Variants in VDR observed in about 807,000 individuals in gnomAD.
VDR encodes vitamin D receptor, also known as vitamin D3 receptor.
VDR carries 19 observed loss-of-function variants against 39.7 expected under a neutral mutation model. The ratio of observed to expected loss-of-function variants is 0.48; its 90% CI spans 0.33 to 0.70. The LOEUF (loss-of-function observed/expected upper bound fraction) is 0.70, where lower values mean the gene tolerates loss of function less well. Among genes scored for constraint, VDR ranks in the 30% least tolerant of loss-of-function variants. The probability of loss-of-function intolerance (pLI) is 0.02; values close to 1 mark genes in which losing one functional copy is unlikely to be tolerated. For missense variants in VDR, 442 were observed against 570.5 expected, an observed-to-expected ratio of 0.77 and a Z score of 2.29; for synonymous variants, 242 against 215.8, an observed-to-expected ratio of 1.12 and a Z score of -1.07.
rs1235896662 is a variant in VDR, at chr12:47,842,621, CTA to C, written c.*2123_*2124del. ...TACAGGCTTGCGCCACCATGCCCGGCTATTTTTTTTTTTTTTTTTTTTGTATT... is the reference window on the plus strand; with the variant it reads ...TACAGGCTTGCGCCACCATGCCCGGCTTTTTTTTTTTTTTTTTTTTGTATT... On this transcript the variant is annotated 3_prime_UTR_variant, in exon 10 of 10. Transcript: ENST00000549336. 4.2e-5 allele frequency: 3 copies of C among 71,278 alleles called. No homozygotes were observed. The highest frequency in any genetic ancestry group is 2.0e-4 in the African/African-American group (3 of 15,234). The allele number at this position is 71,278 out of a possible 1,614,324, so 4.4% of individuals were successfully genotyped here. A position where few individuals can be genotyped will look rare whatever the true frequency, so the allele number is the denominator to read the frequency against.
chr12:47,876,776 G>A (rs1189901776), intron 3 of VDR, among the ~76,000 whole-genome samples: 1 of 152,224 alleles, frequency 6.6e-6, no homozygotes, highest in African/African-American at 2.4e-5. Flanking sequence ...CCTGTCCTGA[G>A]GATTCCCAGC....
chr12:47,876,116 C>T lies in VDR; in HGVS notation c.146+2852G>A, dbSNP rs12721398. Reference sequence around the variant, plus strand: ...CATGTGAATTTTTCACTGCTCTGCACATGTTCACAAATGACCACAAAGGGG... The same window carrying T: ...CATGTGAATTTTTCACTGCTCTGCATATGTTCACAAATGACCACAAAGGGG... On this transcript the variant is annotated intron_variant, in intron 3 of 9. Transcript: ENST00000549336. Among the ~76,000 whole-genome samples the T allele has an allele frequency of 5.0e-3, 769 of 152,304 alleles. 4 individuals carry two copies. The highest frequency in any genetic ancestry group is 7.9e-3 in the Non-Finnish European group (538 of 68,032).
At position 47,844,949 on chromosome 12, in the gene VDR, T is replaced by C; in HGVS notation, c.1081A>G (p.Asn361Asp). 1 of 1,613,964 alleles carries C rather than the reference T, an allele frequency of 6.2e-7. No individual in the cohort carries two copies. Among genetic ancestry groups the C allele is most frequent in the Non-Finnish European group, 8.5e-7 (1 of 1,179,964 alleles). Reference sequence around the variant, plus strand: ...CAGCGGATGTACGTCTGCAGTGTGTTGGACAGGCGGTCCTGGATGGCCTCA... The same window carrying C: ...CAGCGGATGTACGTCTGCAGTGTGTCGGACAGGCGGTCCTGGATGGCCTCA... ...LIEAIQDRLS[N>D]TLQTYIRCRH... The change falls in exon 10 of 10, where the codon AAC (asparagine) becomes GAC (aspartate). Residue 361 changes from asparagine to aspartate, a missense_variant. By Grantham distance (23) the Asn-to-Asp change is conservative. Coordinates refer to ENST00000549336, the MANE Select transcript of VDR (RefSeq NM_000376.3).
chr12:47,875,462 A>T (rs1448654119), intron 3 of VDR, among the ~76,000 whole-genome samples: 1 of 152,238 alleles, frequency 6.6e-6, no homozygotes. Flanking sequence ...GGTACAGACC[A>T]CTGACATTGT....
At chr12:47,877,579 T>C (rs1355649432) in intron 3 of VDR, among the ~76,000 whole-genome samples, 1 of 151,788 alleles carries the variant, frequency 6.6e-6, no homozygotes, top group Non-Finnish European at 1.5e-5. Flanking sequence ...TTCTGATGGG[T>C]TTCATGGTAG....
At chr12:47,885,618 A>G (rs1217565158) in intron 1 of VDR, among the ~76,000 whole-genome samples, 2 of 152,252 alleles carry the variant, frequency 1.3e-5, no homozygotes, top group South Asian at 4.1e-4. Flanking sequence ...TGGAGTGGAC[A>G]AGAAGTCTGA....
intron 3 of VDR, among the ~76,000 whole-genome samples, chr12:47,875,823 A>G (rs542869085): frequency 6.6e-5 from 10 of 152,344 alleles, no homozygotes; most frequent in African/African-American, 2.2e-4. Flanking sequence ...CTGTTTAAAG[A>G]TATCTTATTC....
Position 47,843,467 on chromosome 12 carries a change from T to G in VDR, c.*1279A>C, listed in dbSNP as rs1312110459. 1.3e-5 allele frequency: 2 copies of G among 152,424 alleles called. No individual in the cohort carries two copies. Among genetic ancestry groups the G allele is most frequent in the Admixed American group, 1.3e-4 (2 of 15,266 alleles). 9.4% of individuals were successfully genotyped at this position (152,424 alleles called of 1,614,324 possible). A position where few individuals can be genotyped will look rare whatever the true frequency, so the allele number is the denominator to read the frequency against. Reference sequence around the variant, plus strand: ...AGCTCACTCTCACAAAGACCCCACCTTGGAGTAAACGGACAGACGCTTCCC... The same window carrying G: ...AGCTCACTCTCACAAAGACCCCACCGTGGAGTAAACGGACAGACGCTTCCC... On this transcript the variant is annotated 3_prime_UTR_variant, in exon 10 of 10. Transcript: ENST00000549336.
chr12:47,884,209 G>T lies in VDR; in HGVS notation c.-83-1435C>A, dbSNP rs575835874. 6.6e-5 allele frequency among the ~76,000 whole-genome samples: 10 copies of T among 152,282 alleles called. No individual in the cohort carries two copies. The East Asian group carries it at 1.9e-3, about 29-fold the overall frequency. ...TCCTCAATCCCTGTGGTTTTCAGAG[G>T]TCAGAGGTGACATCCAGATAGACAA... On this transcript the variant is annotated intron_variant, in intron 1 of 9. Transcript: ENST00000549336.
At chr12:47,878,677 C>T (rs1015758126) in intron 3 of VDR, 104 of 491,100 alleles carry the variant, frequency 2.1e-4, no homozygotes, top group African/African-American at 1.2e-3. Flanking sequence ...AGGATGGACA[C>T]GTGGGTTGGT....
chr12:47,858,949 C>T (rs966613814), intron 4 of VDR, among the ~76,000 whole-genome samples: 1 of 152,200 alleles, frequency 6.6e-6, no homozygotes, highest in Admixed American at 6.5e-5. Flanking sequence ...AAAGCGAGCG[C>T]TACTGCAAGA....
At chr12:47,878,922 C>T in intron 3 of VDR, 46 bp downstream of exon 3, 1 of 1,613,936 alleles carries the variant, frequency 6.2e-7, no homozygotes, top group Non-Finnish European at 8.5e-7. Flanking sequence ...CACCTTGCTT[C>T]TTCTCCCTCC....
rs1462926827 is a variant in VDR at position 47,857,623 on chromosome 12, C to A, written c.343G>T (p.Ala115Ser). Residue 115 changes from alanine to serine, a missense_variant, in exon 5 of 10, where the codon GCC (alanine) becomes TCC (serine). By Grantham distance (99) the Ala-to-Ser change is moderately conservative. Transcript: ENST00000549336. ...EMILKRKEEE[A>S]LKDSLRPKLS... ...TTGGGCCGCAGACTGTCCTTCAAGG[C>A]CTCCTCCTCCTTCCGCTTCAGGATC... 1 of 1,614,160 alleles carries A rather than the reference C, an allele frequency of 6.2e-7. No individual in the cohort carries two copies. The highest frequency in any genetic ancestry group is 8.5e-7 in the Non-Finnish European group (1 of 1,180,000).
At chr12:47,873,640 C>T (rs867473077) in intron 3 of VDR, among the ~76,000 whole-genome samples, 9 of 152,066 alleles carry the variant, frequency 5.9e-5, no homozygotes, top group Non-Finnish European at 1.2e-4. Flanking sequence ...GGATTACAGG[C>T]GTGAGCCACC....
At chr12:47,892,396 T>G (rs909226578) in intron 1 of VDR, among the ~76,000 whole-genome samples, 2 of 152,252 alleles carry the variant, frequency 1.3e-5, no homozygotes, top group Non-Finnish European at 2.9e-5. Context: ...TGACATCGGC[T>G]GCTCCTCCAT....
chr12:47,856,172 C>A (rs1166215657), intron 6 of VDR, among the ~76,000 whole-genome samples: 1 of 152,174 alleles, frequency 6.6e-6, no homozygotes, highest in Non-Finnish European at 1.5e-5. Context: ...TTTTCACCTA[C>A]AAACCAGAAA....
rs145351048 is a variant in VDR at position 47,846,690 on chromosome 12, C to G, written c.874G>C (p.Asp292His). Residue 292 changes from aspartate to histidine, a missense_variant, in exon 8 of 10, where the codon GAC (aspartate) becomes CAC (histidine). By Grantham distance (81) the Asp-to-His change is moderately conservative (BLOSUM62 -1). This residue lies in a region of VDR where 173 missense variants were observed against 252.0 expected (regional missense o/e 0.69). Transcript: ENST00000549336. ...ACGTCACTGACGCGGTACTTGTAGT[C>G]TTGGTTGCCACAGGTCCAGGACATG... ...DDMSWTCGNQDYKYRVSDVTK... is the reference protein window; with the variant it reads ...DDMSWTCGNQHYKYRVSDVTK... 30 of 1,614,098 alleles carry G rather than the reference C, an allele frequency of 1.9e-5. No homozygotes were observed. In the African/African-American group the frequency reaches 3.6e-4, roughly 19 times the overall value.
At chr12:47,865,649 G>A (rs949460338) in intron 3 of VDR, among the ~76,000 whole-genome samples, 2 of 151,458 alleles carry the variant, frequency 1.3e-5, no homozygotes, top group Non-Finnish European at 2.9e-5. Context: ...CTGGGCTGAA[G>A]CAATCCTCTA....
intron 1 of VDR, among the ~76,000 whole-genome samples, chr12:47,894,470 C>T (rs1946428289): frequency 6.6e-6 from 1 of 152,216 alleles, no homozygotes; most frequent in South Asian, 2.1e-4. Context: ...GGAGTTGCTG[C>T]CAGGTGGGCT....
Sources: allele counts gnomAD v4.1 joint callset (sites outside exome capture counted in the v4.1 genomes callset), GRCh38; gene constraint gnomAD v4.1.1; regional missense constraint gnomAD v4.1.1; transcripts MANE v1.5; gene names NCBI Gene and HGNC (gene_info 2026-07-23, HGNC 2026-07-21).